The following NEIL3 variants were observed in gnomAD, a reference collection of about 807,000 sequenced individuals.
The protein encoded by NEIL3 is endonuclease 8-like 3.
NEIL3 carries 48 observed loss-of-function variants against 57.5 expected under a neutral mutation model. That is an observed-to-expected ratio of 0.83 (90% confidence interval 0.66 to 1.06). The LOEUF is 1.06. Among genes scored for constraint, NEIL3 ranks in the 50% least tolerant of loss-of-function variants. The probability of loss-of-function intolerance (pLI) is 0.00; values close to 1 mark genes in which losing one functional copy is unlikely to be tolerated. For synonymous variants in NEIL3, 261 were observed against 253.2 expected (o/e 1.03, Z -0.29); for missense variants, 717 against 739.1 (o/e 0.97, Z 0.35).
intron 9 of NEIL3, among the ~76,000 whole-genome samples, chr4:177,361,481 T>A (rs1380040844): frequency 1.3e-5 from 2 of 152,220 alleles, no homozygotes; most frequent in African/African-American, 4.8e-5. Flanking sequence ...TTAAGGAATT[T>A]CCCGGGGAAA....
At chr4:177,358,416 T>C (rs2110940581) in intron 8 of NEIL3, among the ~76,000 whole-genome samples, 1 of 152,288 alleles carries the variant, frequency 6.6e-6, no homozygotes, top group East Asian at 1.9e-4. Context: ...CAAGGGATTC[T>C]TCTGACTCAG....
intron 5 of NEIL3, among the ~76,000 whole-genome samples, chr4:177,340,411 A>G (rs1385902021): frequency 6.6e-6 from 1 of 152,262 alleles, no homozygotes; most frequent in African/African-American, 2.4e-5. Flanking sequence ...ATGCATATAT[A>G]GAATTCAATA....
intron 8 of NEIL3, among the ~76,000 whole-genome samples, chr4:177,358,776 T>C (rs1661269484): frequency 6.6e-6 from 1 of 152,200 alleles, no homozygotes; most frequent in African/African-American, 2.4e-5. Context: ...TCCCTGGATA[T>C]GTGGAACCCT....
intron 2 of NEIL3, among the ~76,000 whole-genome samples, chr4:177,327,995 C>T (rs1302482155): frequency 1.3e-5 from 2 of 152,140 alleles, no homozygotes; most frequent in East Asian, 3.9e-4. Context: ...AGAGATATTG[C>T]ACTATGGTGT....
intron 6 of NEIL3, among the ~76,000 whole-genome samples, chr4:177,347,388 G>A (rs988737027): frequency 2.6e-5 from 4 of 152,168 alleles, no homozygotes; most frequent in African/African-American, 9.7e-5. Flanking sequence ...AAGTTTCTGA[G>A]TAGACTGGGG....
chr4:177,310,611 A>T (rs1275394804), intron 1 of NEIL3, among the ~76,000 whole-genome samples: 3 of 152,148 alleles, frequency 2.0e-5, no homozygotes, highest in Admixed American at 6.5e-5. Context: ...TTCTCACTCA[A>T]CTTCATATTG....
intron 8 of NEIL3, 150 bp downstream of exon 8, chr4:177,353,878 G>T: frequency 1.5e-6 from 1 of 659,852 alleles, no homozygotes. Context: ...CGATTCTCCT[G>T]CCTCAGCCTC....
At position 177,341,590 on chromosome 4, in the gene NEIL3, A is replaced by G; in HGVS notation, c.817A>G (p.Thr273Ala). The G allele has an allele frequency of 6.2e-7, 1 of 1,613,876 alleles. No individual in the cohort carries two copies. The highest frequency in any genetic ancestry group is 8.5e-7 in the Non-Finnish European group (1 of 1,179,930). ...CCGCTTTGGGGACAATAACAGAATG[A>G]CATATTTCTGTCCTCACTGTCAAAA... ...VCRFGDNNRM[T>A]YFCPHCQKEN... The change falls in exon 6 of 10, where the codon ACA (threonine) becomes GCA (alanine). Residue 273 changes from threonine (T) to alanine (A), a missense_variant. Coordinates refer to ENST00000264596, the MANE Select transcript of NEIL3 (RefSeq NM_018248.3).
intron 6 of NEIL3, chr4:177,343,578 T>C (rs919082342): frequency 6.6e-6 from 1 of 152,240 alleles, no homozygotes; most frequent in African/African-American, 2.4e-5. Flanking sequence ...TTCATAAATA[T>C]GTCCAGAACT....
At chr4:177,313,235 C>CA (rs1464392571) in intron 1 of NEIL3, among the ~76,000 whole-genome samples, 4 of 151,980 alleles carry the variant, frequency 2.6e-5, no homozygotes, top group South Asian at 2.1e-4. Flanking sequence ...AAAAACAAAC[C>CA]AAAAAACACT....
intron 6 of NEIL3, among the ~76,000 whole-genome samples, chr4:177,341,972 C>T (rs940749344): frequency 6.6e-6 from 1 of 152,200 alleles, no homozygotes; most frequent in Non-Finnish European, 1.5e-5. Context: ...GTCTCTGCTT[C>T]ACTTAGAAAT....
chr4:177,331,248 T>C (rs1734879773), intron 2 of NEIL3, among the ~76,000 whole-genome samples: 1 of 152,116 alleles, frequency 6.6e-6, no homozygotes, highest in African/African-American at 2.4e-5. Flanking sequence ...CTTTTTTCTC[T>C]TTCTTAGGTT....
At chr4:177,313,974 A>G (rs141959127) in intron 1 of NEIL3, among the ~76,000 whole-genome samples, 264 of 152,336 alleles carry the variant, frequency 1.7e-3, no homozygotes, top group African/African-American at 5.8e-3. Context: ...TAAACCAGGT[A>G]GTAAATTTTC....
intron 6 of NEIL3, among the ~76,000 whole-genome samples, chr4:177,342,019 T>C (rs1735105462): frequency 1.3e-5 from 2 of 152,224 alleles, no homozygotes; most frequent in Admixed American, 6.5e-5. Context: ...TTTTACAGAT[T>C]GTATGTCTAG....
chr4:177,353,390 T>C lies in NEIL3; in HGVS notation c.1122T>C (p.His374=), dbSNP rs1388972919. The change falls in exon 8 of 10, where the codon CAT becomes CAC. Residue 374 remains histidine (H), a synonymous_variant. Coordinates refer to ENST00000264596, the MANE Select transcript of NEIL3 (RefSeq NM_018248.3). ...CGTGTAATACTTTTGGAAAACCTCA[T>C]ACAGAAGTCAAGATCAACAGAAAAA... ...KYPCNTFGKP[H]TEVKINRKTA... The C allele has an allele frequency of 1.9e-6, 3 of 1,613,774 alleles. No homozygotes were observed. Among genetic ancestry groups the C allele is most frequent in the Middle Eastern group, 3.3e-4 (2 of 6,082 alleles).
At chr4:177,313,708 A>G (rs562485037) in intron 1 of NEIL3, among the ~76,000 whole-genome samples, 2 of 152,306 alleles carry the variant, frequency 1.3e-5, no homozygotes, top group East Asian at 3.9e-4. Context: ...TATTTGAAAC[A>G]TGGTCTGATT....
At chr4:177,320,646 T>C (rs1235683224) in intron 1 of NEIL3, among the ~76,000 whole-genome samples, 1 of 150,864 alleles carries the variant, frequency 6.6e-6, no homozygotes, top group Non-Finnish European at 1.5e-5. Context: ...CCCGGCTAAT[T>C]TTTTTTGTAT....
chr4:177,369,181 AT>A, the NEIL3 span, among the ~76,000 whole-genome samples: 165 of 152,298 alleles, frequency 1.1e-3, no homozygotes, highest in African/African-American at 3.7e-3. Context: ...AGAGAGGGAA[AT>A]TTCACATATG....
chr4:177,334,341 C>T (rs1186867392), intron 2 of NEIL3, among the ~76,000 whole-genome samples: 3 of 151,960 alleles, frequency 2.0e-5, no homozygotes, highest in African/African-American at 7.3e-5. Context: ...TTTAAAAAAA[C>T]ATTTTATGCA....
Sources: gnomAD v4.1 joint callset for allele counts (sites outside exome capture counted in the v4.1 genomes callset) on GRCh38, gnomAD v4.1.1 for gene constraint, MANE v1.5 for transcripts, NCBI Gene and HGNC (gene_info 2026-07-23, HGNC 2026-07-21) for gene names.